The following DCT variants were observed in gnomAD, a reference collection of about 807,000 sequenced individuals.
DCT encodes dopachrome tautomerase.
Under a neutral mutation model 53.0 loss-of-function variants are expected in DCT, and 47 were observed. The observed-to-expected ratio is 0.89, with a 90% CI of 0.70 to 1.13. The LOEUF is 1.13. Ranked by LOEUF, DCT falls within the 50% of genes most tolerant of loss-of-function variation. DCT has a pLI of 0.00. For synonymous variants in DCT, 244 were observed against 237.0 expected, an observed-to-expected ratio of 1.03 and a Z score of -0.27; for missense variants, 669 against 637.4, an observed-to-expected ratio of 1.05 and a Z score of -0.53.
the DCT span, among the ~76,000 whole-genome samples, chr13:94,524,704 C>A: frequency 6.6e-6 from 1 of 151,920 alleles, no homozygotes; most frequent in Non-Finnish European, 1.5e-5. Flanking sequence ...TCTGGAGAAC[C>A]CTAGTAGGGT....
rs1566786747 is a variant in DCT at position 94,438,111 on chromosome 13, A to G, written c.*1787T>C. The G allele has an allele frequency of 6.6e-6, 1 of 152,396 alleles. No homozygotes were observed. The highest frequency in any genetic ancestry group is 1.5e-5 in the Non-Finnish European group (1 of 68,154). The allele number at this position is 152,396 out of a possible 1,614,324, so 9.4% of individuals were successfully genotyped here. The stretch of plus-strand genomic sequence containing the variant: ...ATAACTTTTCAGAAATATATGTACC[A>G]TGCACAATTATATCTCCATTTTAAT... On this transcript the variant is annotated 3_prime_UTR_variant, in exon 8 of 8. Transcript: ENST00000377028.
intron 7 of DCT, among the ~76,000 whole-genome samples, chr13:94,441,992 C>G (rs533990273): frequency 5.9e-5 from 9 of 152,126 alleles, no homozygotes; most frequent in Admixed American, 2.0e-4. Flanking sequence ...TTTCTCTACA[C>G]CCTCAGCAAC....
At chr13:94,486,917 C>A in the DCT span, among the ~76,000 whole-genome samples, 1 of 152,310 alleles carries the variant, frequency 6.6e-6, no homozygotes, top group South Asian at 2.1e-4. Context: ...CACACACACA[C>A]ACATTTCTGT....
intron 1 of DCT, among the ~76,000 whole-genome samples, chr13:94,476,674 C>G (rs1885110356): frequency 6.6e-6 from 1 of 152,068 alleles, no homozygotes; most frequent in African/African-American, 2.4e-5. Flanking sequence ...CAGGGTTTCA[C>G]CATGTTGGCT....
the DCT span, among the ~76,000 whole-genome samples, chr13:94,497,020 G>A: frequency 2.0e-5 from 3 of 152,246 alleles, no homozygotes; most frequent in Non-Finnish European, 4.4e-5. Flanking sequence ...GGAAATCTGT[G>A]TTGGTTAATT....
At chr13:94,546,188 A>T in the DCT span, among the ~76,000 whole-genome samples, 1 of 152,164 alleles carries the variant, frequency 6.6e-6, no homozygotes, top group Non-Finnish European at 1.5e-5. This position sits in a 1 kb window ranked among gnomAD's most constrained non-coding sequence, Gnocchi z 4.2. Flanking sequence ...CAATGTAATC[A>T]TCAGGAAGGA....
chr13:94,444,799 G>T (rs1566801747), intron 6 of DCT, among the ~76,000 whole-genome samples: 1 of 152,184 alleles, frequency 6.6e-6, no homozygotes, highest in East Asian at 1.9e-4. Flanking sequence ...ACTGTACCTT[G>T]TACCTCATTT....
chr13:94,521,578 G>A, the DCT span, among the ~76,000 whole-genome samples: 22 of 152,194 alleles, frequency 1.4e-4, no homozygotes, highest in African/African-American at 5.1e-4. Context: ...GCTGAAGCAG[G>A]AGAATCACTT....
chr13:94,440,359 A>T (rs1180042976), intron 7 of DCT, among the ~76,000 whole-genome samples: 1 of 152,196 alleles, frequency 6.6e-6, no homozygotes, highest in Non-Finnish European at 1.5e-5. Context: ...TCTAAGGAAG[A>T]ATGTAACTAC....
chr13:94,532,293 C>A, the DCT span, among the ~76,000 whole-genome samples: 148 of 152,240 alleles, frequency 9.7e-4, no homozygotes, highest in Non-Finnish European at 1.7e-3. Context: ...TGGGTATATA[C>A]CCAGAGGATT....
chr13:94,448,697 G>A (rs1294159489), intron 6 of DCT, among the ~76,000 whole-genome samples: 3 of 152,146 alleles, frequency 2.0e-5, no homozygotes, highest in African/African-American at 7.2e-5. Context: ...GAGGTCAGGA[G>A]TTCGAGACCA....
the DCT span, among the ~76,000 whole-genome samples, chr13:94,493,848 C>T: frequency 6.6e-6 from 1 of 152,090 alleles, no homozygotes; most frequent in East Asian, 1.9e-4. Flanking sequence ...TTGTCAAATC[C>T]CACAGGGTGC....
At chr13:94,538,734 C>T in the DCT span, among the ~76,000 whole-genome samples, 1 of 152,300 alleles carries the variant, frequency 6.6e-6, no homozygotes, top group Non-Finnish European at 1.5e-5. Flanking sequence ...AATGAAGTTG[C>T]ATTCAGTCTC....
chr13:94,438,344 C>T lies in DCT; in HGVS notation c.*1554G>A. 1 of 209,788 alleles carries T rather than the reference C, an allele frequency of 4.8e-6. No homozygotes were observed. The highest frequency in any genetic ancestry group is 7.3e-5 in the South Asian group (1 of 13,672). The allele number at this position is 209,788 out of a possible 1,614,324, so 13.0% of individuals were successfully genotyped here. ...CTTTACCGGGCTATCTTGATCTTCACCACTGAGCCTGCTCTCAGATGCACC... is the reference window on the plus strand; with the variant it reads ...CTTTACCGGGCTATCTTGATCTTCATCACTGAGCCTGCTCTCAGATGCACC... On this transcript the variant is annotated 3_prime_UTR_variant, in exon 8 of 8. Transcript: ENST00000377028.
intron 6 of DCT, among the ~76,000 whole-genome samples, chr13:94,449,159 G>A (rs1882928394): frequency 1.3e-5 from 2 of 151,690 alleles, no homozygotes; most frequent in South Asian, 2.1e-4. Flanking sequence ...GGCTTTCAAG[G>A]TAAAGATTTT....
intron 1 of DCT, among the ~76,000 whole-genome samples, chr13:94,471,661 T>C (rs569980071): frequency 8.5e-5 from 13 of 152,294 alleles, no homozygotes; most frequent in African/African-American, 2.6e-4. Context: ...ACTATGACAG[T>C]ACAGGAATGG....
At position 94,479,299 on chromosome 13, in the gene DCT, GT is replaced by G; in HGVS notation, c.-45del. On this transcript the variant is annotated 5_prime_UTR_variant, in exon 1 of 8. Coordinates refer to ENST00000377028, the MANE Select transcript of DCT (RefSeq NM_001922.5). The stretch of plus-strand genomic sequence containing the variant: ...GCTCTCTCTCTCTCTTACTTTCCTT[GT>G]CTCTGTCGTACTTTTCTCCTTATCT... The G allele has an allele frequency of 6.8e-7, 1 of 1,470,458 alleles. No individual in the cohort carries two copies. Among genetic ancestry groups the G allele is most frequent in the Non-Finnish European group, 9.1e-7 (1 of 1,097,060 alleles). The allele number at this position is 1,470,458 out of a possible 1,614,324, so 91.1% of individuals were successfully genotyped here. A position where few individuals can be genotyped will look rare whatever the true frequency, so the allele number is the denominator to read the frequency against.
intron 6 of DCT, among the ~76,000 whole-genome samples, chr13:94,451,400 A>G (rs1357552855): frequency 6.6e-6 from 1 of 152,218 alleles, no homozygotes; most frequent in Admixed American, 6.5e-5. Flanking sequence ...GAAGAGACTG[A>G]GTTAAGAATT....
At chr13:94,510,752 C>T in the DCT span, among the ~76,000 whole-genome samples, 1 of 152,132 alleles carries the variant, frequency 6.6e-6, no homozygotes, top group African/African-American at 2.4e-5. Flanking sequence ...ATAGGCTTCT[C>T]CAGCACCTAC....
Sources: gnomAD v4.1 joint callset for allele counts (sites outside exome capture counted in the v4.1 genomes callset) on GRCh38, gnomAD v4.1.1 for gene constraint, Gnocchi (gnomAD v3.1) non-coding constraint, MANE v1.5 for transcripts, NCBI Gene and HGNC (gene_info 2026-07-23, HGNC 2026-07-21) for gene names.